IQGAP2: variants seen among roughly 807,000 people sequenced by gnomAD.
IQGAP2 encodes ras GTPase-activating-like protein IQGAP2.
IQGAP2 carries 173 observed loss-of-function variants against 201.3 expected under a neutral mutation model. The ratio of observed to expected loss-of-function variants is 0.86; its 90% CI spans 0.76 to 0.98. The LOEUF (loss-of-function observed/expected upper bound fraction) is 0.98. IQGAP2 is among the 50% of genes least tolerant of loss of function. The pLI, the probability that IQGAP2 is intolerant of heterozygous loss-of-function variation, is 0.00. For synonymous variants in IQGAP2, 675 were observed against 673.9 expected (o/e 1.00, Z -0.03); for missense variants, 1,687 against 1,864.8 (o/e 0.90, Z 1.76).
intron 2 of IQGAP2, among the ~76,000 whole-genome samples, chr5:76,501,150 T>A (rs900435674): frequency 3.3e-5 from 5 of 152,088 alleles, no homozygotes; most frequent in Non-Finnish European, 7.3e-5. Context: ...AACAGAAATA[T>A]AGTATTTCTG....
chr5:76,543,922 A>G (rs1392875711), intron 2 of IQGAP2, among the ~76,000 whole-genome samples: 1 of 152,230 alleles, frequency 6.6e-6, no homozygotes, highest in Non-Finnish European at 1.5e-5. Context: ...ATGTCAATAC[A>G]GAACAATAAT....
chr5:76,693,229 T>G, intron 30 of IQGAP2, 126 bp from the exon 31 acceptor site: 1 of 598,852 alleles, frequency 1.7e-6, no homozygotes, highest in East Asian at 2.9e-5. Context: ...GCAAGAATGT[T>G]TTATTTTAAG....
Position 76,707,444 on chromosome 5 carries a change from G to A in IQGAP2, c.*131G>A. Reference sequence around the variant, plus strand: ...TGATTTTTTTAAAACGACCAAAACTGTTCTGAAGAATGTACCCAGGTGCCT... The same window carrying A: ...TGATTTTTTTAAAACGACCAAAACTATTCTGAAGAATGTACCCAGGTGCCT... On this transcript the variant is annotated 3_prime_UTR_variant, in exon 36 of 36. Transcript: ENST00000274364. The A allele has an allele frequency of 1.6e-6, 1 of 636,996 alleles. No homozygotes were observed. Among genetic ancestry groups the A allele is most frequent in the East Asian group, 2.8e-5 (1 of 36,130 alleles). The allele number at this position is 636,996 out of a possible 1,614,324, so 39.5% of individuals were successfully genotyped here.
rs189058313 is a variant in IQGAP2 at position 76,591,742 on chromosome 5, A to G, written c.820-1096A>G. ...GGAATCCCTTCTCTGTTCTTCTTCCATTGAGCTCATCCACTTGTTGAAGAA... is the reference window on the plus strand; with the variant it reads ...GGAATCCCTTCTCTGTTCTTCTTCCGTTGAGCTCATCCACTTGTTGAAGAA... On this transcript the variant is annotated intron_variant, in intron 8 of 35. Transcript: ENST00000274364. Among the ~76,000 whole-genome samples, 508 of 152,128 alleles carry G rather than the reference A, an allele frequency of 3.3e-3. 1 individual carries two copies. Among genetic ancestry groups the G allele is most frequent in the African/African-American group, 8.8e-3 (363 of 41,484 alleles).
chr5:76,415,757 T>C (rs919798650), intron 1 of IQGAP2, among the ~76,000 whole-genome samples: 2 of 152,106 alleles, frequency 1.3e-5, no homozygotes, highest in African/African-American at 4.8e-5. Flanking sequence ...ACCTGGCCAA[T>C]GTAGTGAAAC....
intron 1 of IQGAP2, among the ~76,000 whole-genome samples, chr5:76,436,517 A>AT (rs1166580477): frequency 1.4e-4 from 3 of 21,042 alleles, no homozygotes; most frequent in East Asian, 1.9e-3. Flanking sequence ...ATATATATAT[A>AT]TTTTTTTTTT....
At chr5:76,440,523 A>G (rs116470956) in intron 1 of IQGAP2, among the ~76,000 whole-genome samples, 2,341 of 152,300 alleles carry the variant, frequency 0.015, 74 homozygotes, top group African/African-American at 0.053. Flanking sequence ...CTATTTTGAA[A>G]GATAGGATAT....
chr5:76,632,078 T>A, intron 15 of IQGAP2, 52 bp downstream of exon 15: 1 of 1,392,932 alleles, frequency 7.2e-7, no homozygotes, highest in Non-Finnish European at 9.8e-7. Context: ...ATATCATTTC[T>A]GTGGTATTAT....
intron 27 of IQGAP2, among the ~76,000 whole-genome samples, chr5:76,676,382 C>A (rs549300245): frequency 1.1e-4 from 17 of 152,210 alleles, no homozygotes; most frequent in Non-Finnish European, 2.5e-4. Context: ...GCTGTTTAAC[C>A]TCCCCCAGCC....
chr5:76,623,924 C>T (rs2069641), intron 13 of IQGAP2, among the ~76,000 whole-genome samples: 91,651 of 139,232 alleles, frequency 0.66, 30,157 homozygotes, highest in Middle Eastern at 0.7. Context: ...GTGAGGATGG[C>T]GTTTGTTCAG....
Position 76,695,586 on chromosome 5 carries a change from AGGAATCTTC to A in IQGAP2, c.4130_4138del (p.Asn1377_Arg1379del). ...TGAGCAGAAGAAGAGGAAAATCCAGAGGAATCTTCGGACGTTGGAACAGACTGGACACGT... is the reference window on the plus strand; with the variant it reads ...TGAGCAGAAGAAGAGGAAAATCCAGAGGACGTTGGAACAGACTGGACACGT... On this transcript the variant is annotated inframe_deletion, in exon 32 of 36. Coordinates refer to ENST00000274364, the MANE Select transcript of IQGAP2 (RefSeq NM_006633.5). The A allele has an allele frequency of 6.2e-7, 1 of 1,614,192 alleles. No homozygotes were observed. The highest frequency in any genetic ancestry group is 8.5e-7 in the Non-Finnish European group (1 of 1,180,020).
chr5:76,665,139 A>G lies in IQGAP2; in HGVS notation c.2643A>G (p.Thr881=), dbSNP rs752720553. Residue 881 remains threonine, a synonymous_variant, in exon 22 of 36, where the codon ACA becomes ACG. Coordinates refer to ENST00000274364, the MANE Select transcript of IQGAP2 (RefSeq NM_006633.5). ...GTTTGAGTAAGGAGAGGAGAAAAAC[A>G]CTAGAAACATATCAGCAGCTGTTTT... The part of the protein sequence containing the change: ...IKSLSKERRK[T]LETYQQLFYL... 9 of 1,613,780 alleles carry G rather than the reference A, an allele frequency of 5.6e-6. No individual in the cohort carries two copies. The highest frequency in any genetic ancestry group is 6.8e-6 in the Non-Finnish European group (8 of 1,179,722).
chr5:76,496,737 C>CTT (rs1561416218), intron 2 of IQGAP2, among the ~76,000 whole-genome samples: 1 of 42,358 alleles, frequency 2.4e-5, no homozygotes, highest in Non-Finnish European at 4.5e-5. Flanking sequence ...TTCTTTCTTT[C>CTT]TTTCTTTCTT....
chr5:76,418,914 T>C (rs1300977047), intron 1 of IQGAP2, among the ~76,000 whole-genome samples: 1 of 152,144 alleles, frequency 6.6e-6, no homozygotes, highest in Non-Finnish European at 1.5e-5. Flanking sequence ...GCCTCCTAGG[T>C]TGATTACACG....
intron 2 of IQGAP2, among the ~76,000 whole-genome samples, chr5:76,498,013 A>C (rs6453226): frequency 0.97 from 148,028 of 152,186 alleles, 72,079 homozygotes; most frequent in Non-Finnish European, 0.99. Flanking sequence ...GCTCACTGAA[A>C]AAACTTAGCA....
chr5:76,484,695 G>A (rs1756006271), intron 2 of IQGAP2, among the ~76,000 whole-genome samples: 1 of 152,126 alleles, frequency 6.6e-6, no homozygotes, highest in East Asian at 1.9e-4. Context: ...CTGTCACCAA[G>A]GCTGGAGTGC....
chr5:76,405,176 G>A (rs909091719), intron 1 of IQGAP2, among the ~76,000 whole-genome samples: 3 of 152,216 alleles, frequency 2.0e-5, no homozygotes, highest in Non-Finnish European at 4.4e-5. Flanking sequence ...CCGTGAATGT[G>A]GTACATGAAT....
At chr5:76,566,523 A>G (rs1245813935) in intron 3 of IQGAP2, among the ~76,000 whole-genome samples, 2 of 152,196 alleles carry the variant, frequency 1.3e-5, no homozygotes, top group Non-Finnish European at 2.9e-5. Context: ...TTGCACAGCC[A>G]TGCAGGCCCC....
intron 2 of IQGAP2, among the ~76,000 whole-genome samples, chr5:76,550,708 T>C (rs1458043048): frequency 1.3e-5 from 2 of 152,232 alleles, no homozygotes; most frequent in Non-Finnish European, 2.9e-5. Flanking sequence ...GGCAGAAGAA[T>C]TTTTCTTAGT....
Sources: gnomAD v4.1 joint callset for allele counts (sites outside exome capture counted in the v4.1 genomes callset) on GRCh38, gnomAD v4.1.1 for gene constraint, MANE v1.5 for transcripts, NCBI Gene and HGNC (gene_info 2026-07-23, HGNC 2026-07-21) for gene names.